PGPEP1L: variants seen among roughly 807,000 people sequenced by gnomAD.
PGPEP1L encodes pyroglutamyl-peptidase 1-like protein.
In PGPEP1L, 7 loss-of-function variants were observed where a neutral mutation model predicts 6.0. The observed-to-expected ratio is 1.17, with a 90% CI of 0.66 to 2.19. The LOEUF (loss-of-function observed/expected upper bound fraction) is 2.19. Among genes scored for constraint, PGPEP1L ranks in the 30% most tolerant of loss-of-function variants. The pLI is 0.00. For missense variants in PGPEP1L, 209 were observed against 192.5 expected, an observed-to-expected ratio of 1.09 and a Z score of -0.51; for synonymous variants, 103 against 83.9, an observed-to-expected ratio of 1.23 and a Z score of -1.24.
rs1431499734 is a variant in PGPEP1L, at chr15:99,007,628, T to C, written c.-639A>G. ...GGAGTTATTCGTTTCTCCCGGTGGG[T>C]CCGTGATGTGGCTGGCTTTAAGAAC... On this transcript the variant is annotated 5_prime_UTR_variant, in exon 1 of 5. Transcript: ENST00000535714. The C allele has an allele frequency of 6.6e-6, 1 of 152,006 alleles. No individual in the cohort carries two copies. Among genetic ancestry groups the C allele is most frequent in the Non-Finnish European group, 1.5e-5 (1 of 68,076 alleles). The allele number at this position is 152,006 out of a possible 1,614,324, so 9.4% of individuals were successfully genotyped here.
chr15:99,005,325 T>C (rs1335218239), intron 2 of PGPEP1L, 104 bp downstream of exon 2: 1 of 152,372 alleles, frequency 6.6e-6, no homozygotes, highest in Non-Finnish European at 1.5e-5. Context: ...CATTCTTTTT[T>C]TCCCTCAGGG....
intron 2 of PGPEP1L, among the ~76,000 whole-genome samples, chr15:98,977,343 G>C (rs2017585152): frequency 6.6e-6 from 1 of 152,246 alleles, no homozygotes; most frequent in East Asian, 1.9e-4. Context: ...ACTTTCTTCT[G>C]CTATAATATT....
At chr15:98,982,700 C>CTTTATTTTTTTTT (rs2017682825) in intron 2 of PGPEP1L, among the ~76,000 whole-genome samples, 1 of 52,458 alleles carries the variant, frequency 1.9e-5, no homozygotes, top group Non-Finnish European at 4.2e-5. Context: ...TTATCTGAGG[C>CTTTATTTTTTTTT]TTTTTTTTTT....
chr15:99,000,081 C>A (rs1315823665), intron 2 of PGPEP1L, among the ~76,000 whole-genome samples: 2 of 152,232 alleles, frequency 1.3e-5, no homozygotes, highest in Non-Finnish European at 2.9e-5. Flanking sequence ...GGGCTGCGTG[C>A]AGTGCTTGCG....
At chr15:98,984,766 G>A (rs939134478) in intron 2 of PGPEP1L, among the ~76,000 whole-genome samples, 1 of 152,124 alleles carries the variant, frequency 6.6e-6, no homozygotes, top group Non-Finnish European at 1.5e-5. Flanking sequence ...AAGAGACAGT[G>A]GTCCTGCAGA....
chr15:98,981,454 C>A (rs776869920), intron 2 of PGPEP1L, among the ~76,000 whole-genome samples: 1 of 146,386 alleles, frequency 6.8e-6, no homozygotes, highest in Non-Finnish European at 1.5e-5. Flanking sequence ...CGCACCACTG[C>A]ACTCCAGCCT....
At chr15:98,994,647 G>A (rs781839908) in intron 2 of PGPEP1L, among the ~76,000 whole-genome samples, 2 of 152,110 alleles carry the variant, frequency 1.3e-5, no homozygotes, top group Non-Finnish European at 2.9e-5. Context: ...TGCTAGTTTA[G>A]ATTTTGCCTG....
At chr15:98,968,838 CAGAA>C in intron 4 of PGPEP1L, 141 bp from the exon 5 acceptor site, 1 of 797,126 alleles carries the variant, frequency 1.3e-6, no homozygotes. Context: ...TGTTTCACCT[CAGAA>C]AGAACATGGT....
intron 2 of PGPEP1L, among the ~76,000 whole-genome samples, chr15:98,994,052 G>T (rs1330364006): frequency 1.3e-5 from 2 of 152,066 alleles, no homozygotes; most frequent in Non-Finnish European, 2.9e-5. Context: ...TGGATCATGA[G>T]GTCAGGAGAT....
intron 2 of PGPEP1L, among the ~76,000 whole-genome samples, chr15:98,987,716 C>T (rs1476913192): frequency 6.6e-6 from 1 of 152,156 alleles, no homozygotes; most frequent in Admixed American, 6.5e-5. Flanking sequence ...ATAGGAGCAG[C>T]TCCAGTCTGC....
intron 4 of PGPEP1L, 102 bp downstream of exon 4, chr15:98,969,323 G>T: frequency 6.8e-7 from 1 of 1,466,016 alleles, no homozygotes; most frequent in South Asian, 1.2e-5. Context: ...TGGCCAAGTG[G>T]CCAGCTGGAC....
chr15:98,984,030 T>TTC (rs2017708507), intron 2 of PGPEP1L, among the ~76,000 whole-genome samples: 1 of 146,464 alleles, frequency 6.8e-6, no homozygotes, highest in African/African-American at 2.6e-5. Context: ...TTTTTTTTTT[T>TTC]TTTCTATTTT....
intron 2 of PGPEP1L, among the ~76,000 whole-genome samples, chr15:98,986,209 G>A (rs909908410): frequency 1.3e-5 from 2 of 152,184 alleles, no homozygotes; most frequent in Non-Finnish European, 2.9e-5. Context: ...TGATAGAAGT[G>A]TCTTTCATGG....
At chr15:98,987,367 T>A (rs114953092) in intron 2 of PGPEP1L, among the ~76,000 whole-genome samples, 2,501 of 152,158 alleles carry the variant, frequency 0.016, 84 homozygotes, top group African/African-American at 0.056. Flanking sequence ...CACATGACTT[T>A]GGCTCAGCCA....
rs568793204 is a variant in PGPEP1L at position 98,979,633 on chromosome 15, C to CTTTTTTTTTTTTTT, written c.-141-8489_-141-8476dup. 1.5e-4 allele frequency among the ~76,000 whole-genome samples: 7 copies of CTTTTTTTTTTTTTT among 46,466 alleles called. 1 individual carries two copies. The highest frequency in any genetic ancestry group is 3.3e-4 in the Non-Finnish European group (7 of 21,266). The allele number at this position is 46,466 out of a possible 152,430, so 30.5% of individuals were successfully genotyped here. On this transcript the variant is annotated intron_variant, in intron 2 of 4. Transcript: ENST00000535714. ...AACCTGGATGGGATTGGAGACTATT[C>CTTTTTTTTTTTTTT]TTTTTTTTTTTTTTTTTTTTTTTTT...
chr15:98,988,951 G>A (rs191347086), intron 2 of PGPEP1L, among the ~76,000 whole-genome samples: 24 of 152,256 alleles, frequency 1.6e-4, no homozygotes, highest in South Asian at 6.2e-4. Context: ...AAAAAAGGAC[G>A]TCCAGACACA....
chr15:98,985,331 G>C (rs952991278), intron 2 of PGPEP1L, among the ~76,000 whole-genome samples: 4 of 152,098 alleles, frequency 2.6e-5, no homozygotes, highest in Non-Finnish European at 5.9e-5. Flanking sequence ...CTGAGGTTAG[G>C]GGTTCGAGAC....
chr15:99,000,963 C>A (rs1356721345), intron 2 of PGPEP1L, among the ~76,000 whole-genome samples: 6 of 152,228 alleles, frequency 3.9e-5, no homozygotes. Flanking sequence ...CCACAAAGGT[C>A]TCCAGTTTCA....
chr15:98,983,907 C>G (rs879345444), intron 2 of PGPEP1L, among the ~76,000 whole-genome samples: 9 of 151,570 alleles, frequency 5.9e-5, no homozygotes, highest in Admixed American at 6.6e-5. Context: ...GCTCACCTCT[C>G]TTAGAGGCAA....
Sources: allele counts gnomAD v4.1 joint callset (sites outside exome capture counted in the v4.1 genomes callset), GRCh38; gene constraint gnomAD v4.1.1; transcripts MANE v1.5; gene names NCBI Gene and HGNC (gene_info 2026-07-23, HGNC 2026-07-21).